AVEN: variants seen among roughly 807,000 people sequenced by gnomAD.
AVEN encodes the protein apoptosis and caspase activation inhibitor.
Under a neutral mutation model 38.1 loss-of-function variants are expected in AVEN, and 41 were observed. The ratio of observed to expected loss-of-function variants is 1.08; its 90% CI spans 0.84 to 1.40. The LOEUF is 1.40. Ranked by LOEUF, AVEN falls within the 40% of genes most tolerant of loss-of-function variation. AVEN has a pLI of 0.00. For synonymous variants in AVEN, 206 were observed against 171.8 expected, an observed-to-expected ratio of 1.20 and a Z score of -1.56; for missense variants, 605 against 438.8, an observed-to-expected ratio of 1.38 and a Z score of -3.38.
intron 2 of AVEN, among the ~76,000 whole-genome samples, chr15:33,939,637 T>C (rs1184805118): frequency 6.6e-6 from 1 of 152,226 alleles, no homozygotes; most frequent in Non-Finnish European, 1.5e-5. Flanking sequence ...TTACATACTA[T>C]CCCTCGTGTT....
chr15:33,994,650 A>G (rs1246616130), intron 2 of AVEN, among the ~76,000 whole-genome samples: 2 of 152,202 alleles, frequency 1.3e-5, no homozygotes, highest in Non-Finnish European at 2.9e-5. Context: ...ACTATCTTCC[A>G]AAGTGAGCAT....
At chr15:33,961,643 C>G (rs894160270) in intron 2 of AVEN, among the ~76,000 whole-genome samples, 2 of 151,324 alleles carry the variant, frequency 1.3e-5, no homozygotes, top group Admixed American at 6.6e-5. Context: ...GAAACCCCGT[C>G]TCTACTAAAA....
chr15:34,068,965 C>G (rs1028250374), intron 2 of AVEN, among the ~76,000 whole-genome samples: 1 of 151,974 alleles, frequency 6.6e-6, no homozygotes, highest in African/African-American at 2.4e-5. Flanking sequence ...GCGCCTGCCA[C>G]CACGCCCGGC....
chr15:33,993,032 T>A (rs2140577840), intron 2 of AVEN, among the ~76,000 whole-genome samples: 1 of 152,366 alleles, frequency 6.6e-6, no homozygotes, highest in South Asian at 2.1e-4. Flanking sequence ...CCACGTTTTC[T>A]TCAATATTGA....
chr15:33,865,533 T>TGAAGG (rs1378580882), downstream of AVEN: 1 of 310,620 alleles, frequency 3.2e-6, no homozygotes, highest in Non-Finnish European at 6.0e-6. Context: ...GATGGAAGCA[T>TGAAGG]GAAGGAAAGG....
intron 1 of AVEN, among the ~76,000 whole-genome samples, chr15:34,031,511 A>G (rs1050437629): frequency 2.0e-5 from 3 of 152,156 alleles, no homozygotes; most frequent in African/African-American, 4.8e-5. Flanking sequence ...CTATCCCTCA[A>G]TGTAAGTTTG....
chr15:33,891,384 T>C (rs1891956043), intron 2 of AVEN, among the ~76,000 whole-genome samples: 1 of 152,026 alleles, frequency 6.6e-6, no homozygotes, highest in Non-Finnish European at 1.5e-5. Flanking sequence ...CCTCCCCCAG[T>C]CCCCCACCCC....
At chr15:33,999,843 T>C (rs1189922628) in intron 2 of AVEN, among the ~76,000 whole-genome samples, 9 of 152,236 alleles carry the variant, frequency 5.9e-5, no homozygotes, top group Admixed American at 5.9e-4. Flanking sequence ...AGTGATCCTG[T>C]TAACACAGGA....
chr15:34,044,570 GGC>G (rs1899613885), intron 5 of AVEN, among the ~76,000 whole-genome samples: 1 of 6,670 alleles, frequency 1.5e-4, no homozygotes, highest in African/African-American at 1.6e-4. Context: ...TTCATGTCTT[GGC>G]ACACATAGAA....
chr15:33,961,826 AAAAAAAAAAAAAG>A (rs1895200877), intron 2 of AVEN, among the ~76,000 whole-genome samples: 1 of 150,950 alleles, frequency 6.6e-6, no homozygotes, highest in African/African-American at 2.4e-5. Context: ...AAAAAAAAAA[AAAAAAAAAAAAAG>A]AAAACGAAGT....
intron 2 of AVEN, among the ~76,000 whole-genome samples, chr15:33,967,267 G>A (rs1204679934): frequency 6.6e-6 from 1 of 152,038 alleles, no homozygotes; most frequent in African/African-American, 2.4e-5. Context: ...CAATTAAAGT[G>A]TATACTTTGT....
intron 11 of AVEN, chr15:33,859,449 C>G (rs1433367689): frequency 2.1e-6 from 2 of 972,674 alleles, no homozygotes; most frequent in African/African-American, 3.2e-5. Context: ...ACTGGCACCT[C>G]TGAAGAGTTC....
At chr15:34,016,381 C>T (rs761294423) in intron 1 of AVEN, among the ~76,000 whole-genome samples, 30 of 152,188 alleles carry the variant, frequency 2.0e-4, no homozygotes, top group Non-Finnish European at 3.7e-4. Flanking sequence ...CTAATAGACA[C>T]TGAGTTGGGC....
intron 2 of AVEN, among the ~76,000 whole-genome samples, chr15:33,880,151 T>G (rs1472400044): frequency 6.6e-6 from 1 of 152,072 alleles, no homozygotes; most frequent in Non-Finnish European, 1.5e-5. Flanking sequence ...GACTATCTTA[T>G]TCCCCCAGTC....
intron 2 of AVEN, among the ~76,000 whole-genome samples, chr15:33,954,226 T>C (rs1285039354): frequency 3.9e-5 from 6 of 152,208 alleles, no homozygotes; most frequent in South Asian, 2.1e-4. Context: ...AGTTCAACCA[T>C]TGCGGAAGAC....
chr15:34,014,668 A>G (rs1468942852), intron 1 of AVEN, among the ~76,000 whole-genome samples: 4 of 152,216 alleles, frequency 2.6e-5, no homozygotes, highest in Admixed American at 6.5e-5. Context: ...TGGGCATCCC[A>G]AAACAAACAA....
At chr15:33,857,075 C>G (rs565525913), downstream of AVEN, among the ~76,000 whole-genome samples, 3 of 152,298 alleles carry the variant, frequency 2.0e-5, no homozygotes, top group South Asian at 6.2e-4. Flanking sequence ...AGCACCTGCA[C>G]TATTCAATAC....
chr15:34,063,325 A>G lies in AVEN; in HGVS notation n.1234T>C. The G allele has an allele frequency of 1.9e-6, 3 of 1,614,160 alleles. No individual in the cohort carries two copies. Among genetic ancestry groups the G allele is most frequent in the Middle Eastern group, 1.6e-4 (1 of 6,062 alleles). On this transcript the variant is annotated non_coding_transcript_exon_variant, in exon 5 of 12. Coordinates refer to the AVEN transcript ENST00000675287. The surrounding 1 kb of genome is among the most constrained non-coding windows in gnomAD (Gnocchi z 4.1). ...TTTGGCACTGCCATTGCTGCCTTCT[A>G]CATCCCTGTTTCTGTCATGACCATC...
At chr15:34,056,481 C>T (rs914953895) in intron 5 of AVEN, among the ~76,000 whole-genome samples, 12 of 152,234 alleles carry the variant, frequency 7.9e-5, no homozygotes, top group African/African-American at 2.9e-4. Context: ...AAGTAATGTT[C>T]TCTACTGCAG....
Sources: allele counts gnomAD v4.1 joint callset (sites outside exome capture counted in the v4.1 genomes callset), GRCh38; gene constraint gnomAD v4.1.1; non-coding constraint Gnocchi (gnomAD v3.1); transcripts MANE v1.5; gene names NCBI Gene and HGNC (gene_info 2026-07-23, HGNC 2026-07-21).